Variants in ODAD2 observed in about 807,000 individuals in gnomAD.
The protein encoded by ODAD2 is outer dynein arm-docking complex subunit 2.
Under a neutral mutation model 106.8 loss-of-function variants are expected in ODAD2, and 89 were observed. The observed-to-expected ratio is 0.83, with a 90% CI of 0.70 to 0.99. The LOEUF (loss-of-function observed/expected upper bound fraction) is 0.99. ODAD2 is among the 50% of genes least tolerant of loss of function. ODAD2 has a pLI of 0.00. For synonymous variants in ODAD2, 404 were observed against 436.2 expected (o/e 0.93, Z 0.92); for missense variants, 1,168 against 1,238.5 (o/e 0.94, Z 0.85).
At chr10:27,876,631 A>G (rs1841358700) in intron 17 of ODAD2, among the ~76,000 whole-genome samples, 1 of 152,228 alleles carries the variant, frequency 6.6e-6, no homozygotes, top group Admixed American at 6.5e-5. Context: ...AATTATGGGC[A>G]ATGAGGTCTG....
At chr10:27,824,096 G>A (rs1332873345) in intron 19 of ODAD2, among the ~76,000 whole-genome samples, 2 of 99,246 alleles carry the variant, frequency 2.0e-5, no homozygotes, top group East Asian at 8.2e-4. Context: ...AGCCGAGATT[G>A]CGCCACTGCA....
intron 16 of ODAD2, among the ~76,000 whole-genome samples, chr10:27,919,660 A>G (rs1844635441): frequency 6.6e-6 from 1 of 152,152 alleles, no homozygotes; most frequent in Admixed American, 6.6e-5. Flanking sequence ...TGACAACACT[A>G]AGTATTGGCA....
At chr10:27,834,575 C>G (rs1028432745) in intron 19 of ODAD2, among the ~76,000 whole-genome samples, 1 of 151,874 alleles carries the variant, frequency 6.6e-6, no homozygotes. Flanking sequence ...GACTGTGCTA[C>G]GAGGAAGGAT....
At chr10:27,878,645 CT>C (rs531332900) in intron 17 of ODAD2, among the ~76,000 whole-genome samples, 140 of 152,194 alleles carry the variant, frequency 9.2e-4, no homozygotes, top group African/African-American at 2.9e-3. Context: ...CACATACAAA[CT>C]TTTTTTAATC....
chr10:27,970,142 A>G (rs183286196), intron 8 of ODAD2, among the ~76,000 whole-genome samples: 1 of 135,572 alleles, frequency 7.4e-6, no homozygotes, highest in South Asian at 2.4e-4. Context: ...ATAAATAAAT[A>G]AATAAATCTC....
intron 19 of ODAD2, among the ~76,000 whole-genome samples, chr10:27,851,612 G>GA (rs901647024): frequency 6.6e-6 from 1 of 151,614 alleles, no homozygotes; most frequent in African/African-American, 2.4e-5. Context: ...TGAAGACAAA[G>GA]AAAAAAATCC....
intron 19 of ODAD2, among the ~76,000 whole-genome samples, chr10:27,829,515 AT>A (rs1837317738): frequency 6.6e-6 from 1 of 152,130 alleles, no homozygotes; most frequent in Non-Finnish European, 1.5e-5. Flanking sequence ...GTCTCATATA[AT>A]TTTTGGAAGG....
rs777760843 is a variant in ODAD2 at position 27,907,710 on chromosome 10, T to C, written c.2563A>G (p.Lys855Glu). The change falls in exon 17 of 20, where the codon AAG becomes GAG. Residue 855 changes from lysine (K) to glutamate (E), a missense_variant. By Grantham distance (56) the Lys-to-Glu change is moderately conservative (BLOSUM62 1). Around this residue, in one of 3 missense-constraint regions of ODAD2, gnomAD observed 701 missense variants for 712.3 expected, o/e 0.98. Transcript: ENST00000305242. Reference sequence around the variant, plus strand: ...CAGAGTGCCCATGCTGCGCTGGCCTTCACGTCTGGGTGAGGATTTTTCAGC... The same window carrying C: ...CAGAGTGCCCATGCTGCGCTGGCCTCCACGTCTGGGTGAGGATTTTTCAGC... ...SLLKNPHPDV[K>E]ASAAWALCPC... 29 of 1,613,790 alleles carry C rather than the reference T, an allele frequency of 1.8e-5. No individual in the cohort carries two copies. Among genetic ancestry groups the C allele is most frequent in the Non-Finnish European group, 2.4e-5 (28 of 1,179,880 alleles).
At chr10:27,984,369 A>C in intron 4 of ODAD2, 79 bp from the exon 5 acceptor site, 2 of 959,484 alleles carry the variant, frequency 2.1e-6, no homozygotes, top group Non-Finnish European at 3.2e-6. Flanking sequence ...TCATTGTATC[A>C]GGAGAAATAT....
chr10:27,812,214 G>T lies in ODAD2; in HGVS notation c.*298C>A. On this transcript the variant is annotated 3_prime_UTR_variant, in exon 20 of 20. Transcript: ENST00000305242. ...TATTAAAATCGCCACAAATACAAAA[G>T]CATCACTGAACTAAAAATACATCAT... is the stretch of plus-strand genomic sequence containing the variant. The T allele has an allele frequency of 3.2e-6, 1 of 315,520 alleles. No homozygotes were observed. Among genetic ancestry groups the T allele is most frequent in the Non-Finnish European group, 5.7e-6 (1 of 175,384 alleles). 19.5% of individuals were successfully genotyped at this position (315,520 alleles called of 1,614,324 possible). A position where few individuals can be genotyped will look rare whatever the true frequency, so the allele number is the denominator to read the frequency against.
intron 16 of ODAD2, among the ~76,000 whole-genome samples, chr10:27,921,943 G>T (rs1156627835): frequency 6.6e-6 from 1 of 151,236 alleles, no homozygotes; most frequent in African/African-American, 2.4e-5. Context: ...AAGGAGGGTG[G>T]ATAGCTTCAG....
chr10:27,958,470 C>T (rs1378121707), intron 10 of ODAD2, among the ~76,000 whole-genome samples: 3 of 152,176 alleles, frequency 2.0e-5, no homozygotes, highest in Non-Finnish European at 2.9e-5. Context: ...ATTCTTTCTG[C>T]TCTTAGCACC....
chr10:27,893,254 C>T (rs1329505395), intron 17 of ODAD2, among the ~76,000 whole-genome samples: 1 of 152,136 alleles, frequency 6.6e-6, no homozygotes, highest in Non-Finnish European at 1.5e-5. Flanking sequence ...GCAATATTCA[C>T]ATCTTATTTT....
chr10:27,973,540 T>C (rs1246531271), intron 7 of ODAD2, among the ~76,000 whole-genome samples: 1 of 152,106 alleles, frequency 6.6e-6, no homozygotes, highest in Non-Finnish European at 1.5e-5. Context: ...TTTGTGTCCA[T>C]GTGTTCTCAT....
In ODAD2 at chr10:27,940,655, C is replaced by G; in HGVS notation, c.1894G>C (p.Gly632Arg). Reference sequence around the variant, plus strand: ...AGCCGAGCCAACAGAGGAATGCCCCCAGCTTTGCGGATGGCTTCTTTATTC... The same window carrying G: ...AGCCGAGCCAACAGAGGAATGCCCCGAGCTTTGCGGATGGCTTCTTTATTC... ...HTNKEAIRKAGGIPLLARLLK... is the reference protein window; with the variant it reads ...HTNKEAIRKARGIPLLARLLK... The change falls in exon 13 of 20, where the codon GGG (glycine) becomes CGG (arginine). Residue 632 changes from glycine (G) to arginine (R), a missense_variant. Physicochemically the swap from Gly to Arg is moderately radical, Grantham distance 125. This residue lies in a region of ODAD2 where 701 missense variants were observed against 712.3 expected (regional missense o/e 0.98). Coordinates refer to ENST00000305242, the MANE Select transcript of ODAD2 (RefSeq NM_018076.5). 6.2e-7 allele frequency: 1 copy of G among 1,614,088 alleles called. No individual in the cohort carries two copies. Among genetic ancestry groups the G allele is most frequent in the Non-Finnish European group, 8.5e-7 (1 of 1,179,988 alleles).
chr10:27,987,125 T>C (rs919718831), intron 3 of ODAD2, among the ~76,000 whole-genome samples: 3 of 152,222 alleles, frequency 2.0e-5, no homozygotes, highest in African/African-American at 7.2e-5. Flanking sequence ...TCAAACCACA[T>C]GCTAAAATCA....
intron 19 of ODAD2, among the ~76,000 whole-genome samples, chr10:27,859,297 T>C (rs1839879421): frequency 6.6e-6 from 1 of 152,148 alleles, no homozygotes; most frequent in African/African-American, 2.4e-5. Flanking sequence ...TTGAAGAAAC[T>C]AATCTGGCCT....
At chr10:27,882,232 A>AGAAAGAAG (rs1841793521) in intron 17 of ODAD2, among the ~76,000 whole-genome samples, 1 of 146,378 alleles carries the variant, frequency 6.8e-6, no homozygotes, top group Non-Finnish European at 1.6e-5. Flanking sequence ...AAAGAAAGAA[A>AGAAAGAAG]GAAATATGAA....
chr10:27,912,449 G>A (rs910579334), intron 16 of ODAD2, among the ~76,000 whole-genome samples: 4 of 151,988 alleles, frequency 2.6e-5, no homozygotes, highest in African/African-American at 9.7e-5. Flanking sequence ...TGTTTGCTAC[G>A]TTTCTCAGGC....
Sources: gnomAD v4.1 joint callset for allele counts (sites outside exome capture counted in the v4.1 genomes callset) on GRCh38, gnomAD v4.1.1 for gene constraint, gnomAD v4.1.1 regional missense constraint, MANE v1.5 for transcripts, NCBI Gene and HGNC (gene_info 2026-07-23, HGNC 2026-07-21) for gene names.